ATP2B4: variants seen among roughly 807,000 people sequenced by gnomAD.
ATP2B4 encodes the protein ATPase plasma membrane Ca2+ transporting 4.
In ATP2B4, 39 loss-of-function variants were observed where a neutral mutation model predicts 110.3. The observed-to-expected ratio is 0.35, with a 90% CI of 0.27 to 0.46. The LOEUF is 0.46. Among genes scored for constraint, ATP2B4 ranks in the 20% least tolerant of loss-of-function variants. The pLI, the probability that ATP2B4 is intolerant of heterozygous loss-of-function variation, is 1.00. For missense variants in ATP2B4, 1,135 were observed against 1,530.9 expected (o/e 0.74, Z 4.32); for synonymous variants, 538 against 571.7 (o/e 0.94, Z 0.84).
intron 20 of ATP2B4, chr1:203,733,165 T>C: frequency 3.3e-6 from 5 of 1,508,322 alleles, no homozygotes; most frequent in African/African-American, 1.4e-5. Flanking sequence ...TTCCTCTTTC[T>C]TCACCTCTCT....
chr1:203,725,103 C>A (rs968573909), intron 19 of ATP2B4, among the ~76,000 whole-genome samples: 5 of 150,500 alleles, frequency 3.3e-5, no homozygotes, highest in Non-Finnish European at 7.4e-5. Context: ...GTCTGGAACT[C>A]CTGACCTCGT....
Position 203,698,139 on chromosome 1 carries a change from C to A in ATP2B4, c.194-18C>A. ...CTTTTTTCCTACATTCATTCATCCA[C>A]TCCTATCTCCTTTTCAGGTCTGTCT... On this transcript the variant is annotated intron_variant, in intron 2 of 20. Coordinates refer to ENST00000357681, the MANE Select transcript of ATP2B4 (RefSeq NM_001684.5). The A allele has an allele frequency of 6.2e-7, 1 of 1,613,534 alleles. No individual in the cohort carries two copies. Among genetic ancestry groups the A allele is most frequent in the East Asian group, 2.2e-5 (1 of 44,884 alleles).
At chr1:203,664,213 C>A (rs1664435236) in intron 1 of ATP2B4, among the ~76,000 whole-genome samples, 1 of 152,172 alleles carries the variant, frequency 6.6e-6, no homozygotes, top group African/African-American at 2.4e-5. Context: ...TAAAAAGGAA[C>A]CTCAGACAGA....
chr1:203,672,458 G>GGGCT (rs1317739666), intron 1 of ATP2B4, among the ~76,000 whole-genome samples: 3 of 151,464 alleles, frequency 2.0e-5, no homozygotes, highest in Non-Finnish European at 2.9e-5. Context: ...TACCGTCGCT[G>GGGCT]GGCTGCACAC....
intron 1 of ATP2B4, among the ~76,000 whole-genome samples, chr1:203,674,307 C>T (rs770740931): frequency 1.3e-5 from 2 of 152,130 alleles, no homozygotes; most frequent in African/African-American, 4.8e-5. Context: ...GCTGTTTCAT[C>T]CTCTACATTT....
At chr1:203,687,213 T>A (rs1472422523) in intron 2 of ATP2B4, among the ~76,000 whole-genome samples, 2 of 148,148 alleles carry the variant, frequency 1.3e-5, no homozygotes, top group African/African-American at 5.0e-5. Flanking sequence ...CGTCCTAGTG[T>A]GTAAGAAGAA....
chr1:203,683,666 C>CTTTTTTTTTT (rs11326748), intron 2 of ATP2B4, among the ~76,000 whole-genome samples: 274 of 77,648 alleles, frequency 3.5e-3, no homozygotes, highest in Non-Finnish European at 4.4e-3. Context: ...TCTTTTGTTT[C>CTTTTTTTTTT]TTTTTTTTTT....
intron 2 of ATP2B4, 56 bp downstream of exon 2, chr1:203,683,454 A>G: frequency 6.7e-7 from 1 of 1,496,194 alleles, no homozygotes; most frequent in Non-Finnish European, 9.0e-7. Context: ...GTTTCAAAAT[A>G]TTGTTTTCCC....
intron 15 of ATP2B4, among the ~76,000 whole-genome samples, chr1:203,720,217 C>G (rs1198548305): frequency 6.6e-6 from 1 of 152,140 alleles, no homozygotes; most frequent in African/African-American, 2.4e-5. Context: ...CTGGCAGTGG[C>G]AACAGAAATG....
chr1:203,702,018 C>T lies in ATP2B4; in HGVS notation c.902-26C>T, dbSNP rs540722352. On this transcript the variant is annotated intron_variant, in intron 6 of 20. Transcript: ENST00000357681. ...TAATAGTTACTTTGGGTTTCGACCC[C>T]ACTTTTTTCTTTCTTGTTCAAACAG... 8.0e-5 allele frequency: 129 copies of T among 1,613,940 alleles called. 4 individuals carry two copies. The South Asian group carries it at 1.3e-3, about 16-fold the overall frequency.
At chr1:203,719,225 G>GAAAAAAAAAAAAAAAAAAAAAAAAAAA (rs60841821) in intron 15 of ATP2B4, among the ~76,000 whole-genome samples, 3 of 54,372 alleles carry the variant, frequency 5.5e-5, no homozygotes, top group African/African-American at 2.3e-4. Context: ...ACCCTGTCTC[G>GAAAAAAAAAAAAAAAAAAAAAAAAAAA]AAAAAAAAAA....
chr1:203,727,777 A>C lies in ATP2B4; in HGVS notation c.3309+206A>C, dbSNP rs1666568475. 5 of 597,036 alleles carry C rather than the reference A, an allele frequency of 8.4e-6. No individual in the cohort carries two copies. The East Asian group carries it at 1.5e-4, about 18-fold the overall frequency. 37.0% of individuals were successfully genotyped at this position (597,036 alleles called of 1,614,324 possible). ...TGAGAGGAGAGGAGTCAAATGACCT[A>C]GACCATGGGACACTATTAGCATAGT... On this transcript the variant is annotated intron_variant, in intron 20 of 20. Transcript: ENST00000357681.
rs1664184550 is a variant in ATP2B4 at position 203,657,072 on chromosome 1, T to A, written c.-464-25670T>A. 3 of 830,548 alleles carry A rather than the reference T, an allele frequency of 3.6e-6. No individual in the cohort carries two copies. In the East Asian group the frequency reaches 7.4e-5, roughly 20 times the overall value. The allele number at this position is 830,548 out of a possible 1,614,324, so 51.4% of individuals were successfully genotyped here. Reference sequence around the variant, plus strand: ...TGCCTCCTTGTGTCACAAGGCCCAATTCGCTCACATTTACCTCAATGACAA... The same window carrying A: ...TGCCTCCTTGTGTCACAAGGCCCAAATCGCTCACATTTACCTCAATGACAA... On this transcript the variant is annotated intron_variant, in intron 1 of 20. Transcript: ENST00000357681.
At chr1:203,717,260 G>A (rs1283693998) in intron 15 of ATP2B4, among the ~76,000 whole-genome samples, 2 of 152,042 alleles carry the variant, frequency 1.3e-5, no homozygotes, top group African/African-American at 2.4e-5. Flanking sequence ...AATCCTACCT[G>A]AAAGGTAGGT....
At chr1:203,735,154 C>T (rs1212416971) in intron 20 of ATP2B4, among the ~76,000 whole-genome samples, 1 of 151,986 alleles carries the variant, frequency 6.6e-6, no homozygotes, top group Admixed American at 6.6e-5. Flanking sequence ...TTTTGCTTCT[C>T]CTTTTCTCTA....
At chr1:203,708,468 A>T (rs1300643818) in intron 10 of ATP2B4, among the ~76,000 whole-genome samples, 1 of 152,204 alleles carries the variant, frequency 6.6e-6, no homozygotes, top group Admixed American at 6.5e-5. Flanking sequence ...ACACAAGGCG[A>T]GACACCAGCA....
intron 2 of ATP2B4, among the ~76,000 whole-genome samples, chr1:203,686,840 C>T (rs1665207569): frequency 6.6e-6 from 1 of 151,120 alleles, no homozygotes; most frequent in Non-Finnish European, 1.5e-5. Flanking sequence ...ATTACAGGTG[C>T]ACGCCACCAC....
rs373164998 is a variant in ATP2B4 at position 203,711,931 on chromosome 1, C to T, written c.2032-29C>T. 1.2e-4 allele frequency: 195 copies of T among 1,608,430 alleles called. 1 individual carries two copies. Among genetic ancestry groups the T allele is most frequent in the Middle Eastern group, 3.3e-4 (2 of 6,018 alleles). ...TTACCAGGGTCATCACCCTCATCTG[C>T]GCCTTTCCCCTTTCTTCACTCTCCA... is the stretch of plus-strand genomic sequence containing the variant. On this transcript the variant is annotated intron_variant, in intron 12 of 20. Coordinates refer to ENST00000357681, the MANE Select transcript of ATP2B4 (RefSeq NM_001684.5).
At chr1:203,632,696 TA>T (rs79013470) in intron 1 of ATP2B4, among the ~76,000 whole-genome samples, 2,949 of 122,126 alleles carry the variant, frequency 0.024, 69 homozygotes, top group African/African-American at 0.062. Flanking sequence ...ATATTTTAAG[TA>T]AAAAAAAAAA....
Sources: gnomAD v4.1 joint callset for allele counts (sites outside exome capture counted in the v4.1 genomes callset) on GRCh38, gnomAD v4.1.1 for gene constraint, MANE v1.5 for transcripts, NCBI Gene and HGNC (gene_info 2026-07-23, HGNC 2026-07-21) for gene names.